The following DOK5 variants were observed in gnomAD, a reference collection of about 807,000 sequenced individuals.
The protein encoded by DOK5 is downstream of tyrosine kinase 5.
DOK5 carries 27 observed loss-of-function variants against 43.3 expected under a neutral mutation model. That is an observed-to-expected ratio of 0.62 (90% CI 0.46 to 0.86). The LOEUF (loss-of-function observed/expected upper bound fraction) is 0.86, where lower values mean the gene tolerates loss of function less well. Among genes scored for constraint, DOK5 ranks in the 40% least tolerant of loss-of-function variants. The pLI is 0.00. For missense variants in DOK5, 373 were observed against 392.9 expected, an observed-to-expected ratio of 0.95 and a Z score of 0.43; for synonymous variants, 146 against 140.1, an observed-to-expected ratio of 1.04 and a Z score of -0.30.
Position 54,581,773 on chromosome 20 carries a change from AAC to A in DOK5, c.175-6709_175-6708del, listed in dbSNP as rs1985651615. Among the ~76,000 whole-genome samples the A allele has an allele frequency of 5.3e-5, 8 of 152,008 alleles. No homozygotes were observed. The South Asian group carries it at 1.7e-3, about 32-fold the overall frequency. ...TTTACTGAATTTGTTTATTTGTTCT[AAC>A]TTTTTTTGTGTGTAGATAGAATCTT... On this transcript the variant is annotated intron_variant, in intron 2 of 7. Transcript: ENST00000262593.
intron 6 of DOK5, among the ~76,000 whole-genome samples, chr20:54,616,016 C>T (rs545479639): frequency 2.4e-4 from 36 of 152,088 alleles, no homozygotes; most frequent in Admixed American, 5.2e-4. Context: ...CCTCTAGAAC[C>T]GTAAGACAAT....
At chr20:54,585,420 T>C (rs1329864820) in intron 2 of DOK5, among the ~76,000 whole-genome samples, 4 of 152,222 alleles carry the variant, frequency 2.6e-5, no homozygotes, top group Non-Finnish European at 5.9e-5. Flanking sequence ...CTCTTCCTCT[T>C]TGCCCTTAAT....
intron 5 of DOK5, among the ~76,000 whole-genome samples, chr20:54,606,792 G>A (rs6014082): frequency 0.03 from 4,512 of 152,218 alleles, 228 homozygotes; most frequent in African/African-American, 0.1. Flanking sequence ...GTCAGTTTGT[G>A]GTCATTAGCA....
chr20:54,623,019 G>A (rs1225345994), intron 6 of DOK5, among the ~76,000 whole-genome samples: 1 of 152,130 alleles, frequency 6.6e-6, no homozygotes, highest in Non-Finnish European at 1.5e-5. Flanking sequence ...CTGTACTCCT[G>A]TGAAGCCAGC....
chr20:54,481,231 G>A lies in DOK5; in HGVS notation c.66+5219G>A, dbSNP rs568586848. ...TTTTTCCAGGCTGGAGTGTAGTGGCGTGATCTCAGCTCACTGCAGCCTCTG... is the reference window on the plus strand; with the variant it reads ...TTTTTCCAGGCTGGAGTGTAGTGGCATGATCTCAGCTCACTGCAGCCTCTG... On this transcript the variant is annotated intron_variant, in intron 1 of 7. Transcript: ENST00000262593. Among the ~76,000 whole-genome samples the A allele has an allele frequency of 7.3e-5, 11 of 151,582 alleles. No individual in the cohort carries two copies. The East Asian group carries it at 1.2e-3, about 16-fold the overall frequency.
At chr20:54,549,559 T>C (rs183916822) in intron 1 of DOK5, among the ~76,000 whole-genome samples, 36 of 152,286 alleles carry the variant, frequency 2.4e-4, no homozygotes, top group Non-Finnish European at 4.1e-4. Flanking sequence ...TCCCCTAGAC[T>C]TAATACCGAT....
In DOK5 at chr20:54,624,963, T is replaced by C. The variant is rs76350744; in HGVS notation, c.735+14440T>C. Reference sequence around the variant, plus strand: ...GTGTCTTTGCTGCATGTTTTTTTTTTTCCCTTAGCAGGAAAGCGGTCTTTC... The same window carrying C: ...GTGTCTTTGCTGCATGTTTTTTTTTCTCCCTTAGCAGGAAAGCGGTCTTTC... On this transcript the variant is annotated intron_variant, in intron 6 of 7. Coordinates refer to ENST00000262593, the MANE Select transcript of DOK5 (RefSeq NM_018431.5). Among the ~76,000 whole-genome samples the C allele has an allele frequency of 7.6e-3, 1,154 of 152,248 alleles. 5 individuals are homozygous for C. Among genetic ancestry groups the C allele is most frequent in the African/African-American group, 0.026 (1,098 of 41,560 alleles).
intron 5 of DOK5, among the ~76,000 whole-genome samples, chr20:54,608,667 CTT>C (rs11353769): frequency 0.04 from 5,330 of 134,192 alleles, 213 homozygotes; most frequent in African/African-American, 0.12. Flanking sequence ...TCTTCTTCTT[CTT>C]TTTTTTTTTT....
intron 1 of DOK5, among the ~76,000 whole-genome samples, chr20:54,520,188 C>T (rs914829435): frequency 6.6e-5 from 10 of 152,168 alleles, no homozygotes; most frequent in Admixed American, 5.2e-4. Flanking sequence ...TAAACGACAT[C>T]TCCAATCTTC....
chr20:54,639,934 A>C (rs1371957232), intron 6 of DOK5, among the ~76,000 whole-genome samples: 1 of 152,232 alleles, frequency 6.6e-6, no homozygotes, highest in Non-Finnish European at 1.5e-5. Flanking sequence ...ACGATTATTT[A>C]CCCAGTGGTT....
At chr20:54,499,030 T>A (rs1377715073) in intron 1 of DOK5, among the ~76,000 whole-genome samples, 1 of 152,220 alleles carries the variant, frequency 6.6e-6, no homozygotes, top group African/African-American at 2.4e-5. Flanking sequence ...TTACTACCGG[T>A]GACCCCAATT....
chr20:54,619,997 A>G (rs1207606660), intron 6 of DOK5, among the ~76,000 whole-genome samples: 1 of 151,960 alleles, frequency 6.6e-6, no homozygotes, highest in Non-Finnish European at 1.5e-5. Context: ...CCACAAGAAA[A>G]TCTGTCTTTC....
intron 2 of DOK5, among the ~76,000 whole-genome samples, chr20:54,555,970 G>A (rs1001549930): frequency 6.6e-6 from 1 of 152,178 alleles, no homozygotes; most frequent in African/African-American, 2.4e-5. Context: ...TTCTCCAAAA[G>A]TAGTGACTTT....
At chr20:54,569,149 A>G (rs1985201979) in intron 2 of DOK5, among the ~76,000 whole-genome samples, 1 of 152,192 alleles carries the variant, frequency 6.6e-6, no homozygotes, top group South Asian at 2.1e-4. Context: ...AAATGGAGTA[A>G]TTCATTACAT....
At chr20:54,557,447 C>T (rs1984742408) in intron 2 of DOK5, among the ~76,000 whole-genome samples, 1 of 152,192 alleles carries the variant, frequency 6.6e-6, no homozygotes, top group Non-Finnish European at 1.5e-5. Context: ...GCTTGCTCAC[C>T]TTCTGCGGTG....
chr20:54,504,548 G>T (rs1022962674), intron 1 of DOK5, among the ~76,000 whole-genome samples: 1 of 152,174 alleles, frequency 6.6e-6, no homozygotes, highest in African/African-American at 2.4e-5. Flanking sequence ...TCAACGTGAG[G>T]TTCTGTGCCA....
At chr20:54,588,000 A>G (rs1985863753) in intron 2 of DOK5, among the ~76,000 whole-genome samples, 3 of 152,174 alleles carry the variant, frequency 2.0e-5, no homozygotes, top group Non-Finnish European at 4.4e-5. Flanking sequence ...CTAGTTATGA[A>G]TTGGACCACT....
chr20:54,476,091 CG>C, intron 1 of DOK5, 79 bp downstream of exon 1: 1 of 1,588,890 alleles, frequency 6.3e-7, no homozygotes, highest in Non-Finnish European at 8.6e-7. Context: ...GGAGGGTGGA[CG>C]GAGAGTCCCC....
chr20:54,606,686 T>C (rs1466297166), intron 5 of DOK5, among the ~76,000 whole-genome samples: 1 of 152,212 alleles, frequency 6.6e-6, no homozygotes, highest in Non-Finnish European at 1.5e-5. Flanking sequence ...AAGCTGCTTA[T>C]GAAACGGTTC....
Sources: allele counts gnomAD v4.1 joint callset (sites outside exome capture counted in the v4.1 genomes callset), GRCh38; gene constraint gnomAD v4.1.1; transcripts MANE v1.5; gene names NCBI Gene and HGNC (gene_info 2026-07-23, HGNC 2026-07-21).